DOP1A: variants seen among roughly 807,000 people sequenced by gnomAD.
DOP1A encodes the protein protein DOP1A.
A neutral mutation model predicts 267.6 loss-of-function variants in DOP1A; 90 were observed. The ratio of observed to expected loss-of-function variants is 0.34; its 90% CI spans 0.28 to 0.40. The LOEUF (loss-of-function observed/expected upper bound fraction) is 0.40. Ranked by LOEUF, DOP1A falls within the 10% of genes least tolerant of loss-of-function variation. DOP1A has a pLI of 1.00. For missense variants in DOP1A, 2,437 were observed against 2,900.4 expected, an observed-to-expected ratio of 0.84 and a Z score of 3.67; for synonymous variants, 932 against 999.1, an observed-to-expected ratio of 0.93 and a Z score of 1.27.
rs761319077 is a variant in DOP1A at position 83,134,296 on chromosome 6, C to T, written c.2870+9C>T. ...GTACGTTCTTTTGACAGGTCAGTTACATTTTATATTAAGATTTCACAGTCA... is the reference window on the plus strand; with the variant it reads ...GTACGTTCTTTTGACAGGTCAGTTATATTTTATATTAAGATTTCACAGTCA... On this transcript the variant is annotated intron_variant, in intron 19 of 38. Coordinates refer to ENST00000349129, the MANE Select transcript of DOP1A (RefSeq NM_015018.4). 3.7e-6 allele frequency: 6 copies of T among 1,604,812 alleles called. No homozygotes were observed. In the Admixed American group the frequency reaches 8.4e-5, roughly 22 times the overall value.
chr6:83,121,159 C>T (rs1169894401), intron 10 of DOP1A, among the ~76,000 whole-genome samples: 1 of 151,812 alleles, frequency 6.6e-6, no homozygotes, highest in Non-Finnish European at 1.5e-5. Context: ...TTCTTCTCCA[C>T]ATTCCCTTTA....
chr6:83,094,676 C>A (rs1463418835), intron 1 of DOP1A, among the ~76,000 whole-genome samples: 1 of 152,112 alleles, frequency 6.6e-6, no homozygotes, highest in Non-Finnish European at 1.5e-5. Context: ...ACCATTTGTA[C>A]ATTTTCCTTT....
chr6:83,104,013 A>G (rs1323764409), intron 4 of DOP1A, among the ~76,000 whole-genome samples: 1 of 152,128 alleles, frequency 6.6e-6, no homozygotes, highest in East Asian at 1.9e-4. Context: ...TGTCTTTTGA[A>G]GAAAGTTTTT....
chr6:83,073,733 T>C (rs928815299), intron 1 of DOP1A, among the ~76,000 whole-genome samples: 1 of 152,206 alleles, frequency 6.6e-6, no homozygotes, highest in African/African-American at 2.4e-5. Flanking sequence ...TGCAGTCTGA[T>C]TGCAGTTGGA....
intron 1 of DOP1A, among the ~76,000 whole-genome samples, chr6:83,086,690 T>A (rs910334942): frequency 6.6e-6 from 1 of 152,204 alleles, no homozygotes; most frequent in African/African-American, 2.4e-5. Context: ...AGAAGTGACC[T>A]TTGGCTTTGG....
chr6:83,116,768 A>G (rs1775499388), intron 7 of DOP1A, among the ~76,000 whole-genome samples: 1 of 152,140 alleles, frequency 6.6e-6, no homozygotes, highest in South Asian at 2.1e-4. Context: ...CCAAGATTGC[A>G]ACACTGCACT....
intron 7 of DOP1A, among the ~76,000 whole-genome samples, chr6:83,118,288 AT>A (rs1179094515): frequency 1.3e-5 from 2 of 152,080 alleles, no homozygotes; most frequent in Non-Finnish European, 2.9e-5. Context: ...TCCTTTAATC[AT>A]TTTTTTAAAC....
intron 28 of DOP1A, 82 bp from the exon 29 acceptor site, chr6:83,151,801 T>A (rs1781737859): frequency 9.6e-6 from 14 of 1,462,124 alleles, no homozygotes; most frequent in Non-Finnish European, 1.3e-5. Context: ...AAAATATCTA[T>A]TATCAGAAAT....
intron 24 of DOP1A, among the ~76,000 whole-genome samples, chr6:83,142,450 G>T (rs1433939038): frequency 6.6e-6 from 1 of 152,070 alleles, no homozygotes. Flanking sequence ...GGAGGTTGTG[G>T]TGAGCCAAGA....
intron 12 of DOP1A, 109 bp from the exon 13 acceptor site, chr6:83,124,596 T>G (rs779442104): frequency 1.2e-6 from 1 of 812,600 alleles, no homozygotes; most frequent in Non-Finnish European, 2.1e-6. Flanking sequence ...AAAACATTAC[T>G]GTGTGTGACC....
chr6:83,073,614 T>C (rs1381781611), intron 1 of DOP1A, among the ~76,000 whole-genome samples: 1 of 152,242 alleles, frequency 6.6e-6, no homozygotes, highest in Non-Finnish European at 1.5e-5. Context: ...TTAAGTTATC[T>C]ATTGCTACAT....
intron 23 of DOP1A, 143 bp from the exon 24 acceptor site, chr6:83,141,778 T>A (rs1779691100): frequency 1.4e-6 from 1 of 691,200 alleles, no homozygotes. Flanking sequence ...GCTCTTAACG[T>A]TATTAAAGTT....
At chr6:83,086,512 GT>G (rs1769275014) in intron 1 of DOP1A, among the ~76,000 whole-genome samples, 1 of 152,146 alleles carries the variant, frequency 6.6e-6, no homozygotes, top group Non-Finnish European at 1.5e-5. Flanking sequence ...CAAATTGCAT[GT>G]TTTTCAAGAC....
intron 1 of DOP1A, among the ~76,000 whole-genome samples, chr6:83,090,990 A>G (rs1770269815): frequency 6.6e-6 from 1 of 152,148 alleles, no homozygotes; most frequent in Admixed American, 6.6e-5. Context: ...AGTTTACAGA[A>G]GAAAGAAGTT....
chr6:83,127,920 T>G (rs1777453959), intron 15 of DOP1A, among the ~76,000 whole-genome samples: 1 of 152,096 alleles, frequency 6.6e-6, no homozygotes, highest in Non-Finnish European at 1.5e-5. Context: ...TTTGGAGAAG[T>G]TAAATAACTT....
intron 7 of DOP1A, 143 bp from the exon 8 acceptor site, chr6:83,118,745 G>C (rs1471537700): frequency 5.8e-6 from 3 of 513,960 alleles, no homozygotes; most frequent in Non-Finnish European, 9.8e-6. Context: ...TAAAATGGAA[G>C]TAATATCCTG....
intron 1 of DOP1A, among the ~76,000 whole-genome samples, chr6:83,075,090 C>A (rs913346557): frequency 2.0e-5 from 3 of 152,098 alleles, no homozygotes; most frequent in Admixed American, 1.3e-4. Context: ...TATATATTTT[C>A]CCTCTTTTAA....
chr6:83,170,104 G>T (rs1411732450), downstream of DOP1A, among the ~76,000 whole-genome samples: 5 of 152,172 alleles, frequency 3.3e-5, 1 homozygote, highest in South Asian at 4.1e-4. Flanking sequence ...AATATTTGGG[G>T]AAATAAACTA....
At chr6:83,127,726 A>T (rs920178465) in intron 15 of DOP1A, among the ~76,000 whole-genome samples, 5 of 152,286 alleles carry the variant, frequency 3.3e-5, no homozygotes, top group African/African-American at 1.2e-4. Flanking sequence ...TTAGCAATAT[A>T]TTTAGGAGGA....
Sources: allele counts gnomAD v4.1 joint callset (sites outside exome capture counted in the v4.1 genomes callset), GRCh38; gene constraint gnomAD v4.1.1; transcripts MANE v1.5; gene names NCBI Gene and HGNC (gene_info 2026-07-23, HGNC 2026-07-21).